Variants in PTTG1IP2 observed in about 807,000 individuals in gnomAD.
PTTG1IP2 encodes PTTG1IP family member 2.
intron 1 of PTTG1IP2, chr7:90,470,386 G>GA (rs1479343138): frequency 6.6e-5 from 10 of 152,040 alleles, no homozygotes; most frequent in Admixed American, 3.9e-4. Context: ...CTTCCAAATT[G>GA]AAAAAATTTT....
intron 5 of PTTG1IP2, among the ~76,000 whole-genome samples, chr7:90,493,253 T>A (rs1185478797): frequency 2.0e-5 from 3 of 152,116 alleles, no homozygotes; most frequent in Non-Finnish European, 4.4e-5. Flanking sequence ...AAAATCTGGA[T>A]GAGAAACAGG....
chr7:90,511,395 T>G (rs1798188694), intron 6 of PTTG1IP2, among the ~76,000 whole-genome samples: 1 of 152,182 alleles, frequency 6.6e-6, no homozygotes, highest in East Asian at 1.9e-4. Flanking sequence ...CTGAATTCCT[T>G]AGTGATATAG....
At chr7:90,484,518 A>G (rs1454893892) in intron 2 of PTTG1IP2, among the ~76,000 whole-genome samples, 1 of 152,248 alleles carries the variant, frequency 6.6e-6, no homozygotes, top group Admixed American at 6.5e-5. Context: ...ATGGCTTCAT[A>G]TTTACATGGG....
chr7:90,494,724 A>T (rs1797973954), intron 6 of PTTG1IP2, among the ~76,000 whole-genome samples: 1 of 152,180 alleles, frequency 6.6e-6, no homozygotes, highest in Non-Finnish European at 1.5e-5. Flanking sequence ...TCTACAAAAA[A>T]ATTTAAAAAT....
intron 6 of PTTG1IP2, 112 bp from the exon 7 acceptor site, chr7:90,513,166 C>T (rs1194083123): frequency 6.6e-6 from 1 of 152,592 alleles, no homozygotes; most frequent in African/African-American, 2.4e-5. Context: ...CATTACATTT[C>T]TGTAAAAATT....
intron 6 of PTTG1IP2, among the ~76,000 whole-genome samples, chr7:90,500,626 A>C (rs1798051463): frequency 6.6e-6 from 1 of 152,206 alleles, no homozygotes; most frequent in South Asian, 2.1e-4. Flanking sequence ...TCATGTAGTC[A>C]CAAGGGAGGC....
chr7:90,473,167 C>T (rs1797709786), intron 1 of PTTG1IP2, among the ~76,000 whole-genome samples: 1 of 152,194 alleles, frequency 6.6e-6, no homozygotes, highest in Non-Finnish European at 1.5e-5. Context: ...ATCCCTTGGA[C>T]ATAAGAATTT....
rs1261959889 is a variant in PTTG1IP2 at position 90,494,427 on chromosome 7, A to C, written c.*47A>C. On this transcript the variant is annotated 3_prime_UTR_variant, in exon 6 of 7. Coordinates refer to ENST00000509356, the MANE Select transcript of PTTG1IP2 (RefSeq NM_001365443.2). ...AGAAAGAGCAGAAGGAAGTTTCTTC[A>C]ATGGTAAGGTTTCAAATTATATTGC... 6.6e-6 allele frequency: 1 copy of C among 152,220 alleles called. No homozygotes were observed. The highest frequency in any genetic ancestry group is 1.5e-5 in the Non-Finnish European group (1 of 68,036). 9.4% of individuals were successfully genotyped at this position (152,220 alleles called of 1,614,324 possible). A position where few individuals can be genotyped will look rare whatever the true frequency, so the allele number is the denominator to read the frequency against.
At chr7:90,496,476 C>T (rs1797992898) in intron 6 of PTTG1IP2, among the ~76,000 whole-genome samples, 1 of 152,046 alleles carries the variant, frequency 6.6e-6, no homozygotes, top group Non-Finnish European at 1.5e-5. Context: ...TCTGTGGTAT[C>T]AGTTGTAATG....
At chr7:90,472,279 A>AACACACACACACAC (rs144907444) in intron 1 of PTTG1IP2, among the ~76,000 whole-genome samples, 1 of 137,938 alleles carries the variant, frequency 7.2e-6, no homozygotes, top group Admixed American at 7.3e-5. Flanking sequence ...ATAGCATGCA[A>AACACACACACACAC]ACACACACAC....
intron 1 of PTTG1IP2, among the ~76,000 whole-genome samples, chr7:90,476,555 A>T (rs1797749392): frequency 6.6e-6 from 1 of 152,166 alleles, no homozygotes; most frequent in African/African-American, 2.4e-5. Context: ...AGGTCACTAG[A>T]GGAAATAAAG....
At chr7:90,476,388 T>C (rs2116049195) in intron 1 of PTTG1IP2, among the ~76,000 whole-genome samples, 1 of 152,198 alleles carries the variant, frequency 6.6e-6, no homozygotes, top group Non-Finnish European at 1.5e-5. Flanking sequence ...AACTGGGAAG[T>C]GGCATGGGGA....
chr7:90,503,666 A>G (rs1449651434), intron 6 of PTTG1IP2, among the ~76,000 whole-genome samples: 1 of 152,178 alleles, frequency 6.6e-6, no homozygotes. Context: ...CAGTCAGTGG[A>G]GCAGTCAGAA....
intron 6 of PTTG1IP2, among the ~76,000 whole-genome samples, chr7:90,512,466 C>T (rs531099674): frequency 3.9e-5 from 6 of 152,072 alleles, no homozygotes; most frequent in South Asian, 4.2e-4. Flanking sequence ...AGGGACGAAC[C>T]GGGTGGAGGC....
At chr7:90,489,967 A>G (rs943209310) in intron 4 of PTTG1IP2, among the ~76,000 whole-genome samples, 2 of 152,022 alleles carry the variant, frequency 1.3e-5, no homozygotes, top group Non-Finnish European at 1.5e-5. Flanking sequence ...AAACACATGT[A>G]TCTTTATTCT....
At position 90,497,380 on chromosome 7, in the gene PTTG1IP2, T is replaced by C. The variant is rs549532108; in HGVS notation, c.*50+2950T>C. ...GAGATCGAGACCATCCTGGCTAACA[T>C]GGTGAAACCCCGTCTCTACTAAAAG... is the stretch of plus-strand genomic sequence containing the variant. On this transcript the variant is annotated intron_variant, in intron 6 of 6. Coordinates refer to ENST00000509356, the MANE Select transcript of PTTG1IP2 (RefSeq NM_001365443.2). Among the ~76,000 whole-genome samples the C allele has an allele frequency of 2.3e-4, 35 of 151,834 alleles. No individual in the cohort carries two copies. The East Asian group carries it at 5.6e-3, about 24-fold the overall frequency.
intron 2 of PTTG1IP2, among the ~76,000 whole-genome samples, chr7:90,481,741 A>G (rs1357807486): frequency 1.3e-5 from 2 of 152,098 alleles, no homozygotes; most frequent in Non-Finnish European, 2.9e-5. Flanking sequence ...TATCATTTAA[A>G]TTGTTTTTAT....
intron 1 of PTTG1IP2, among the ~76,000 whole-genome samples, chr7:90,477,325 G>C (rs1797759831): frequency 6.6e-6 from 1 of 152,188 alleles, no homozygotes; most frequent in East Asian, 1.9e-4. Flanking sequence ...TAGGTCAGCT[G>C]TACCCTCATT....
At chr7:90,488,150 T>G (rs889925947) in intron 3 of PTTG1IP2, among the ~76,000 whole-genome samples, 4 of 152,102 alleles carry the variant, frequency 2.6e-5, no homozygotes, top group African/African-American at 9.6e-5. Context: ...ATCCTAGCTA[T>G]GTGAAAAAAC....
Sources: allele counts gnomAD v4.1 joint callset (sites outside exome capture counted in the v4.1 genomes callset), GRCh38; gene constraint gnomAD v4.1.1; transcripts MANE v1.5; gene names NCBI Gene and HGNC (gene_info 2026-07-23, HGNC 2026-07-21).